The following MMP27 variants were observed in gnomAD, a reference collection of about 807,000 sequenced individuals.
The protein encoded by MMP27 is matrix metalloproteinase-27.
A neutral mutation model predicts 48.1 loss-of-function variants in MMP27; 51 were observed. The observed-to-expected ratio is 1.06, with a 90% CI of 0.85 to 1.34. The LOEUF (loss-of-function observed/expected upper bound fraction) is 1.34, where lower values mean the gene tolerates loss of function less well. Ranked by LOEUF, MMP27 falls within the 40% of genes most tolerant of loss-of-function variation. The pLI is 0.00. For missense variants in MMP27, 698 were observed against 619.3 expected (o/e 1.13, Z -1.35); for synonymous variants, 229 against 208.9 (o/e 1.10, Z -0.83).
At chr11:102,694,658 C>A (rs868632478) in intron 7 of MMP27, among the ~76,000 whole-genome samples, 2 of 151,976 alleles carry the variant, frequency 1.3e-5, no homozygotes, top group Middle Eastern at 3.4e-3. Context: ...TTTTTATTTG[C>A]CAAATCTGGC....
At position 102,696,407 on chromosome 11, in the gene MMP27, G is replaced by A. The variant is rs547057032; in HGVS notation, c.866C>T (p.Thr289Ile). 5 of 1,613,736 alleles carry A rather than the reference G, an allele frequency of 3.1e-6. No individual in the cohort carries two copies. In the East Asian group the frequency reaches 1.1e-4, roughly 36 times the overall value. The change falls in exon 6 of 10, where the codon ACA becomes ATA. Residue 289 changes from threonine to isoleucine, a missense_variant. Thr to Ile is a moderately conservative substitution (Grantham distance 89). Coordinates refer to ENST00000260229, the MANE Select transcript of MMP27 (RefSeq NM_022122.3). ...CDPDLTFDAI[T>I]TFRREVMFFK... The stretch of plus-strand genomic sequence containing the variant: ...GAACATTACTTCTCTGCGGAAAGTT[G>A]TGATAGCGTCAAAAGTCAAGTCAGG...
Position 102,694,046 on chromosome 11 carries a change from G to T in MMP27, c.1053C>A (p.Ile351=). 1 of 1,588,860 alleles carries T rather than the reference G, an allele frequency of 6.3e-7. No homozygotes were observed. The highest frequency in any genetic ancestry group is 8.6e-7 in the Non-Finnish European group (1 of 1,169,246). ...LVFKDENFWM[I]RGYAVLPDYP... ...AATCTGGCAAGACAGCATATCCTCT[G>T]ATCATCCAGAAGTTTTCATCTAGGA... Residue 351 remains isoleucine (I), a synonymous_variant, in exon 8 of 10, where the codon ATC becomes ATA. Coordinates refer to ENST00000260229, the MANE Select transcript of MMP27 (RefSeq NM_022122.3).
rs772851669 is a variant in MMP27 at position 102,698,679 on chromosome 11, C to T, written c.620-1844G>A. On this transcript the variant is annotated intron_variant, in intron 4 of 9. Transcript: ENST00000260229. ...ATTCTGCAAGCTAACTATGTTAAAT[C>T]GCTGGCATTTTTCATCTGTGTCAGG... is the stretch of plus-strand genomic sequence containing the variant. Among the ~76,000 whole-genome samples the T allele has an allele frequency of 4.6e-5, 7 of 152,224 alleles. No homozygotes were observed. In the South Asian group the frequency reaches 8.3e-4, roughly 18 times the overall value.
intron 4 of MMP27, among the ~76,000 whole-genome samples, chr11:102,701,276 T>A (rs770744037): frequency 6.7e-6 from 1 of 149,224 alleles, no homozygotes; most frequent in Non-Finnish European, 1.5e-5. Flanking sequence ...GCCTTACCGA[T>A]GTGGAACCCA....
At position 102,691,681 on chromosome 11, in the gene MMP27, C is replaced by T; in HGVS notation, c.*85G>A. ...GGATATTTAGAACTAGGACCAGCAA[C>T]TTGTTGTTAAAGAATGGTTTTATTC... is the stretch of plus-strand genomic sequence containing the variant. On this transcript the variant is annotated 3_prime_UTR_variant, in exon 10 of 10. Coordinates refer to ENST00000260229, the MANE Select transcript of MMP27 (RefSeq NM_022122.3). 8.2e-7 allele frequency: 1 copy of T among 1,224,122 alleles called. No homozygotes were observed. The highest frequency in any genetic ancestry group is 1.1e-6 in the Non-Finnish European group (1 of 901,466). 75.8% of individuals were successfully genotyped at this position (1,224,122 alleles called of 1,614,324 possible).
At chr11:102,700,797 T>G (rs1860925679) in intron 4 of MMP27, among the ~76,000 whole-genome samples, 1 of 152,268 alleles carries the variant, frequency 6.6e-6, no homozygotes, top group African/African-American at 2.4e-5. Context: ...TGAGAGACTC[T>G]CAGGAAAATC....
At chr11:102,700,397 T>C (rs1178441921) in intron 4 of MMP27, among the ~76,000 whole-genome samples, 1 of 152,240 alleles carries the variant, frequency 6.6e-6, no homozygotes, top group African/African-American at 2.4e-5. Flanking sequence ...GTTATCATTA[T>C]CATCATCAAT....
rs1860727395 is a variant in MMP27 at position 102,691,760 on chromosome 11, A to G, written c.*6T>C. On this transcript the variant is annotated 3_prime_UTR_variant, in exon 10 of 10. Coordinates refer to ENST00000260229, the MANE Select transcript of MMP27 (RefSeq NM_022122.3). ...ACCTGTTGAGGTTTATTTTAGGTCT[A>G]TGAATTTATTGATAAATAGAAGTGT... 1.9e-6 allele frequency: 3 copies of G among 1,577,544 alleles called. No homozygotes were observed. The highest frequency in any genetic ancestry group is 1.2e-5 in the South Asian group (1 of 86,270).
At chr11:102,695,544 C>T (rs183841551) in intron 6 of MMP27, among the ~76,000 whole-genome samples, 31 of 152,210 alleles carry the variant, frequency 2.0e-4, no homozygotes, top group African/African-American at 7.0e-4. Flanking sequence ...ATGAATGAGA[C>T]GTGAAAAGTC....
intron 2 of MMP27, 45 bp from the exon 3 acceptor site, chr11:102,703,163 A>G (rs1860978857): frequency 1.9e-6 from 3 of 1,567,056 alleles, no homozygotes; most frequent in African/African-American, 1.4e-5. Context: ...TTATTCATGC[A>G]TGAATATACA....
In MMP27 at chr11:102,691,776, A is replaced by G. The variant is rs554839395; in HGVS notation, c.1532T>C (p.Ile511Thr). 3.4e-4 allele frequency: 540 copies of G among 1,591,268 alleles called. 1 individual carries two copies. In the South Asian group the frequency reaches 5.6e-3, roughly 17 times the overall value. The stretch of plus-strand genomic sequence containing the variant: ...TTTAGGTCTATGAATTTATTGATAA[A>G]TAGAAGTGTTTTTCAGCAAATGAAC... ...GIVHLLKNTS[I>T]YQ is the part of the protein sequence containing the mutation. Residue 511 changes from isoleucine (I) to threonine (T), a missense_variant, in exon 10 of 10, where the codon ATT becomes ACT. Physicochemically the swap from Ile to Thr is moderately conservative, Grantham distance 89. Transcript: ENST00000260229.
intron 4 of MMP27, among the ~76,000 whole-genome samples, chr11:102,699,471 A>C (rs187436048): frequency 7.7e-6 from 1 of 129,240 alleles, no homozygotes; most frequent in East Asian, 2.5e-4. Context: ...CGGTCTCAAA[A>C]AATAAATAAA....
intron 4 of MMP27, among the ~76,000 whole-genome samples, chr11:102,701,746 C>T (rs979171567): frequency 6.6e-6 from 1 of 152,212 alleles, no homozygotes; most frequent in African/African-American, 2.4e-5. Context: ...GACTTTCGCC[C>T]TTTTCACTGG....
intron 8 of MMP27, 49 bp from the exon 9 acceptor site, chr11:102,693,090 G>T: frequency 1.4e-6 from 2 of 1,478,662 alleles, no homozygotes; most frequent in Non-Finnish European, 1.9e-6. Context: ...GGTTTGGGGA[G>T]CTTAATTTGT....
Position 102,691,645 on chromosome 11 carries a change from C to A in MMP27, c.*121G>T. 1 of 818,150 alleles carries A rather than the reference C, an allele frequency of 1.2e-6. No individual in the cohort carries two copies. Among genetic ancestry groups the A allele is most frequent in the South Asian group, 2.2e-5 (1 of 44,520 alleles). 50.7% of individuals were successfully genotyped at this position (818,150 alleles called of 1,614,324 possible). On this transcript the variant is annotated 3_prime_UTR_variant, in exon 10 of 10. Transcript: ENST00000260229. ...AAAAGAATCAGGCAGCTCAAAATGG[C>A]CATTGAATTTGGATATTTAGAACTA...
rs897153960 is a variant in MMP27, at chr11:102,703,080, A to T, written c.380T>A (p.Val127Glu). The T allele has an allele frequency of 4.3e-6, 7 of 1,614,070 alleles. No homozygotes were observed. The highest frequency in any genetic ancestry group is 5.9e-6 in the Non-Finnish European group (7 of 1,179,988). ...NYTPDMARAA[V>E]DEAIQEGLEV... ...TAAACCTTCTTGGATAGCCTCATCCACAGCAGCTCGTGCCATATCCGGAGT... is the reference window on the plus strand; with the variant it reads ...TAAACCTTCTTGGATAGCCTCATCCTCAGCAGCTCGTGCCATATCCGGAGT... The change falls in exon 3 of 10, where the codon GTG becomes GAG. Residue 127 changes from valine to glutamate, a missense_variant. Coordinates refer to ENST00000260229, the MANE Select transcript of MMP27 (RefSeq NM_022122.3).
chr11:102,693,298 T>C (rs1433206003), intron 8 of MMP27, among the ~76,000 whole-genome samples: 1 of 152,206 alleles, frequency 6.6e-6, no homozygotes, highest in African/African-American at 2.4e-5. Flanking sequence ...AATCGTTACA[T>C]CAGATTGAAG....
At chr11:102,703,563 C>A (rs1860987655) in intron 2 of MMP27, among the ~76,000 whole-genome samples, 1 of 152,194 alleles carries the variant, frequency 6.6e-6, no homozygotes, top group Middle Eastern at 3.4e-3. Context: ...CGCTCTGTCC[C>A]CCAGGCTGGA....
At chr11:102,696,993 C>T (rs968406915) in intron 4 of MMP27, among the ~76,000 whole-genome samples, 158 bp from the exon 5 acceptor site, 6 of 152,172 alleles carry the variant, frequency 3.9e-5, no homozygotes, top group Non-Finnish European at 5.9e-5. Flanking sequence ...TATTGCAATG[C>T]TAATAAGTCA....
Sources: gnomAD v4.1 joint callset for allele counts (sites outside exome capture counted in the v4.1 genomes callset) on GRCh38, gnomAD v4.1.1 for gene constraint, MANE v1.5 for transcripts, NCBI Gene and HGNC (gene_info 2026-07-23, HGNC 2026-07-21) for gene names.